Variants in ASB15 observed in about 807,000 individuals in gnomAD.
ASB15 encodes ankyrin repeat and SOCS box protein 15.
Under a neutral mutation model 58.0 loss-of-function variants are expected in ASB15, and 54 were observed. The observed-to-expected ratio is 0.93, with a 90% CI of 0.75 to 1.17. The LOEUF is 1.17. ASB15 is among the 50% of genes most tolerant of loss of function. ASB15 has a pLI of 0.00. For synonymous variants in ASB15, 249 were observed against 262.4 expected, an observed-to-expected ratio of 0.95 and a Z score of 0.50; for missense variants, 680 against 707.4, an observed-to-expected ratio of 0.96 and a Z score of 0.44.
chr7:123,629,592 T>C (rs532087319), intron 10 of ASB15, among the ~76,000 whole-genome samples, 158 bp downstream of exon 10: 1 of 152,320 alleles, frequency 6.6e-6, no homozygotes, highest in African/African-American at 2.4e-5. Flanking sequence ...GATATAAGCA[T>C]AAATCTAGCC....
intron 7 of ASB15, among the ~76,000 whole-genome samples, chr7:123,618,976 C>T (rs1584788944): frequency 6.6e-6 from 1 of 151,858 alleles, no homozygotes; most frequent in African/African-American, 2.4e-5. Context: ...GAGTTCAAGA[C>T]CAGCCTGGCC....
chr7:123,634,854 C>A (rs556876415), intron 11 of ASB15, among the ~76,000 whole-genome samples: 1 of 152,250 alleles, frequency 6.6e-6, no homozygotes, highest in Admixed American at 6.5e-5. Flanking sequence ...GAACACAGAA[C>A]CTGATATAGT....
At chr7:123,613,319 T>C (rs1019021862) in intron 3 of ASB15, among the ~76,000 whole-genome samples, 1 of 152,082 alleles carries the variant, frequency 6.6e-6, no homozygotes, top group African/African-American at 2.4e-5. Flanking sequence ...TCAGAAGACA[T>C]ACTATAAAGT....
chr7:123,635,901 T>C (rs913058030), intron 11 of ASB15, among the ~76,000 whole-genome samples: 4 of 152,192 alleles, frequency 2.6e-5, no homozygotes, highest in African/African-American at 9.7e-5. Flanking sequence ...AGATAAATTG[T>C]TTATATCATC....
chr7:123,622,504 T>C lies in ASB15; in HGVS notation c.452-2065T>C, dbSNP rs368468165. ...ACATTCTTGATTTCAAAAAATTAAA[T>C]TGGAAGTGAAGTTTTGATTTTTTAA... is the stretch of plus-strand genomic sequence containing the variant. On this transcript the variant is annotated intron_variant, in intron 7 of 11. Transcript: ENST00000451215. Among the ~76,000 whole-genome samples the C allele has an allele frequency of 2.2e-4, 33 of 152,294 alleles. 1 individual carries two copies. The South Asian group carries it at 4.1e-3, about 19-fold the overall frequency.
At chr7:123,608,203 G>A (rs932398632) in intron 2 of ASB15, among the ~76,000 whole-genome samples, 18 of 151,790 alleles carry the variant, frequency 1.2e-4, no homozygotes, top group African/African-American at 1.9e-4. Flanking sequence ...GGGTTCTATC[G>A]TTAGTATATT....
chr7:123,607,678 G>A (rs1421616838), intron 2 of ASB15, among the ~76,000 whole-genome samples: 1 of 152,062 alleles, frequency 6.6e-6, no homozygotes, highest in East Asian at 1.9e-4. Flanking sequence ...GTAGAGATGA[G>A]GTTTCACCAT....
chr7:123,629,080 C>T lies in ASB15; in HGVS notation c.1086C>T (p.Asp362=), dbSNP rs764368940. Residue 362 remains aspartate (D), a synonymous_variant, in exon 10 of 12, where the codon GAC becomes GAT. Transcript: ENST00000451215. The part of the protein sequence containing the change: ...TALYFGVSNN[D]VHCTEVLLAA... ...TGTATTTTGGCGTTTCTAATAATGACGTTCATTGCACAGAAGTCCTTCTGG... is the reference window on the plus strand; with the variant it reads ...TGTATTTTGGCGTTTCTAATAATGATGTTCATTGCACAGAAGTCCTTCTGG... 5.0e-6 allele frequency: 8 copies of T among 1,613,254 alleles called. No individual in the cohort carries two copies. Among genetic ancestry groups the T allele is most frequent in the South Asian group, 2.2e-5 (2 of 91,012 alleles).
Position 123,629,101 on chromosome 7 carries a change from T to G in ASB15, c.1107T>G (p.Leu369=), listed in dbSNP as rs778334355. 29 of 1,614,008 alleles carry G rather than the reference T, an allele frequency of 1.8e-5. No homozygotes were observed. Among genetic ancestry groups the G allele is most frequent in the Middle Eastern group, 1.6e-4 (1 of 6,062 alleles). The change falls in exon 10 of 12, where the codon CTT becomes CTG. Residue 369 remains leucine, a synonymous_variant. Coordinates refer to ENST00000451215, the MANE Select transcript of ASB15 (RefSeq NM_001290258.2). ...SNNDVHCTEV[L]LAAGADPNLD... is the part of the protein sequence containing the mutation. ...ATGACGTTCATTGCACAGAAGTCCT[T>G]CTGGCTGCAGGTGCAGACCCAAACT...
intron 1 of ASB15, among the ~76,000 whole-genome samples, chr7:123,587,361 T>C (rs1457284740): frequency 6.6e-6 from 1 of 151,774 alleles, no homozygotes; most frequent in Non-Finnish European, 1.5e-5. Context: ...TGTTAGTGTA[T>C]AGAAATACTA....
intron 11 of ASB15, among the ~76,000 whole-genome samples, chr7:123,632,227 G>A (rs1584821797): frequency 6.6e-6 from 1 of 151,866 alleles, no homozygotes; most frequent in East Asian, 1.9e-4. Context: ...AGAACAATAC[G>A]AGTCAAAATT....
chr7:123,599,315 C>T (rs1254355766), upstream of ASB15, among the ~76,000 whole-genome samples: 1 of 152,186 alleles, frequency 6.6e-6, no homozygotes. Flanking sequence ...TAGGACTCCC[C>T]AAGGTGTTTG....
In ASB15 at chr7:123,624,599, C is replaced by A. The variant is rs774344855; in HGVS notation, c.482C>A (p.Ser161Ter). ...AAAAAGGGCTCCTATGACATGGTGT[C>A]GACTCTGATCAAACATAACACTAGC... ...AVKKGSYDMVSTLIKHNTSLD... is the reference protein window; with the variant it reads ...AVKKGSYDMV Residue 161 changes from serine (S) to a stop codon, truncating the protein, a stop_gained, in exon 8 of 12, where the codon TCG becomes TAG. Coordinates refer to ENST00000451215, the MANE Select transcript of ASB15 (RefSeq NM_001290258.2). LOFTEE classifies it high-confidence loss of function. The A allele has an allele frequency of 6.2e-7, 1 of 1,613,240 alleles. No homozygotes were observed. The highest frequency in any genetic ancestry group is 8.5e-7 in the Non-Finnish European group (1 of 1,179,278).
At chr7:123,633,029 A>G (rs994577721) in intron 11 of ASB15, among the ~76,000 whole-genome samples, 7 of 152,230 alleles carry the variant, frequency 4.6e-5, no homozygotes, top group African/African-American at 1.2e-4. Flanking sequence ...CCAATGATCA[A>G]TGTAGGCAAA....
intron 9 of ASB15, among the ~76,000 whole-genome samples, chr7:123,628,311 T>C (rs571346932): frequency 1.1e-4 from 17 of 152,310 alleles, no homozygotes; most frequent in Admixed American, 3.9e-4. Context: ...TTCATGAGAA[T>C]TGGAAAAGGC....
Position 123,635,448 on chromosome 7 carries a change from T to A in ASB15, c.1595-1361T>A, listed in dbSNP as rs115393745. Among the ~76,000 whole-genome samples, 1,036 of 152,292 alleles carry A rather than the reference T, an allele frequency of 6.8e-3. 13 individuals are homozygous for A. Among genetic ancestry groups the A allele is most frequent in the African/African-American group, 0.024 (987 of 41,562 alleles). On this transcript the variant is annotated intron_variant, in intron 11 of 11. Transcript: ENST00000451215. ...GAGGCTTAGATAAGTTAATTTCTCA[T>A]AGTAATAGACATAGAAAATAACAAA...
At chr7:123,631,652 A>T (rs758427703) in intron 11 of ASB15, among the ~76,000 whole-genome samples, 15 of 152,192 alleles carry the variant, frequency 9.9e-5, no homozygotes, top group Non-Finnish European at 2.1e-4. Context: ...CAGAGCCAGG[A>T]AACCTCAGAG....
In ASB15 at chr7:123,637,878, T is replaced by TAAAAAAAAAAAAAAAAAACA. The variant is rs1802501822; in HGVS notation, c.*915_*916insCAAAAAAAAAAAAAAAAAAA. Reference sequence around the variant, plus strand: ...AAATTCAACATGTCCCCAGATGAACTAAAAAAAAAAAAAAAAAAAAAACCT... The same window carrying TAAAAAAAAAAAAAAAAAACA: ...AAATTCAACATGTCCCCAGATGAACTAAAAAAAAAAAAAAAAAACAAAAAAAAAAAAAAAAAAAAAAACCT... On this transcript the variant is annotated 3_prime_UTR_variant, in exon 12 of 12. Coordinates refer to ENST00000451215, the MANE Select transcript of ASB15 (RefSeq NM_001290258.2). 1 of 52,466 alleles carries TAAAAAAAAAAAAAAAAAACA rather than the reference T, an allele frequency of 1.9e-5. No homozygotes were observed. Among genetic ancestry groups the TAAAAAAAAAAAAAAAAAACA allele is most frequent in the Non-Finnish European group, 3.7e-5 (1 of 26,692 alleles). 3.3% of individuals were successfully genotyped at this position (52,466 alleles called of 1,614,324 possible).
intron 1 of ASB15, among the ~76,000 whole-genome samples, chr7:123,577,988 A>G (rs1487887035): frequency 6.6e-6 from 1 of 151,444 alleles, no homozygotes; most frequent in Non-Finnish European, 1.5e-5. Flanking sequence ...GATTTGCTGC[A>G]CCCATCAACC....
Sources: gnomAD v4.1 joint callset for allele counts (sites outside exome capture counted in the v4.1 genomes callset) on GRCh38, gnomAD v4.1.1 for gene constraint, MANE v1.5 for transcripts, NCBI Gene and HGNC (gene_info 2026-07-23, HGNC 2026-07-21) for gene names.